CDK14: variants seen among roughly 807,000 people sequenced by gnomAD.
CDK14 encodes the protein cyclin-dependent kinase 14.
A neutral mutation model predicts 60.7 loss-of-function variants in CDK14; 34 were observed. The ratio of observed to expected loss-of-function variants is 0.56; its 90% CI spans 0.43 to 0.75. CDK14 has a LOEUF of 0.75. CDK14 is among the 30% of genes least tolerant of loss of function. The pLI is 0.00. For synonymous variants in CDK14, 197 were observed against 203.7 expected, an observed-to-expected ratio of 0.97 and a Z score of 0.28; for missense variants, 482 against 564.1, an observed-to-expected ratio of 0.85 and a Z score of 1.47.
intron 2 of CDK14, among the ~76,000 whole-genome samples, chr7:90,673,247 A>T (rs1237867262): frequency 1.3e-5 from 2 of 152,212 alleles, no homozygotes; most frequent in African/African-American, 4.8e-5. Context: ...GAGGAGCAGT[A>T]GTAGAGGAAA....
intron 7 of CDK14, among the ~76,000 whole-genome samples, chr7:90,906,264 T>C (rs1344285999): frequency 2.0e-5 from 3 of 152,138 alleles, no homozygotes; most frequent in Non-Finnish European, 4.4e-5. Context: ...TCTTAGATTG[T>C]TGGGAAAATA....
intron 2 of CDK14, among the ~76,000 whole-genome samples, chr7:90,622,507 G>A (rs1381241794): frequency 6.6e-6 from 1 of 152,144 alleles, no homozygotes; most frequent in African/African-American, 2.4e-5. Context: ...TGATCCCTGA[G>A]CACATGTTTT....
At chr7:90,926,381 G>A (rs1793416024) in intron 8 of CDK14, among the ~76,000 whole-genome samples, 1 of 152,122 alleles carries the variant, frequency 6.6e-6, no homozygotes, top group African/African-American at 2.4e-5. Context: ...AACCTTGTTG[G>A]AATAAAAGTT....
At chr7:90,997,213 T>A (rs777039115) in intron 10 of CDK14, among the ~76,000 whole-genome samples, 1 of 152,164 alleles carries the variant, frequency 6.6e-6, no homozygotes, top group African/African-American at 2.4e-5. Flanking sequence ...ATTCTCCTAA[T>A]AGAGTTTAGG....
intron 6 of CDK14, among the ~76,000 whole-genome samples, chr7:90,897,756 A>G (rs1186879573): frequency 6.6e-6 from 1 of 152,108 alleles, no homozygotes; most frequent in East Asian, 1.9e-4. Flanking sequence ...GAAAAACTCC[A>G]TTGAACCTAT....
At chr7:90,600,683 A>C (rs1244829873) in intron 1 of CDK14, among the ~76,000 whole-genome samples, 1 of 152,258 alleles carries the variant, frequency 6.6e-6, no homozygotes, top group Non-Finnish European at 1.5e-5. Context: ...ATGTTCAGAC[A>C]CAAAATTTAA....
At chr7:90,842,783 C>T (rs1790340025) in intron 5 of CDK14, among the ~76,000 whole-genome samples, 1 of 152,082 alleles carries the variant, frequency 6.6e-6, no homozygotes, top group South Asian at 2.1e-4. Context: ...GTTTTTGCAC[C>T]ATTGCAAAAG....
At chr7:91,164,776 C>T (rs982128552) in intron 14 of CDK14, among the ~76,000 whole-genome samples, 7 of 152,084 alleles carry the variant, frequency 4.6e-5, no homozygotes, top group Non-Finnish European at 8.8e-5. Flanking sequence ...TTCTGCCTGC[C>T]TGCTCTACAC....
chr7:90,856,740 T>C (rs1790830847), intron 5 of CDK14, among the ~76,000 whole-genome samples: 2 of 152,182 alleles, frequency 1.3e-5, no homozygotes, highest in African/African-American at 4.8e-5. Context: ...TGGAACTTAG[T>C]AGTTAAAAGT....
At chr7:90,952,089 C>G (rs572939415) in intron 8 of CDK14, among the ~76,000 whole-genome samples, 6 of 152,158 alleles carry the variant, frequency 3.9e-5, no homozygotes, top group African/African-American at 1.4e-4. Flanking sequence ...CCAAGTCATT[C>G]CTGGTTAACT....
chr7:90,707,400 G>A (rs566003966), intron 2 of CDK14, among the ~76,000 whole-genome samples: 1 of 152,036 alleles, frequency 6.6e-6, no homozygotes, highest in African/African-American at 2.4e-5. Flanking sequence ...TTAGTTCAGG[G>A]CCTTGTCTGA....
chr7:91,038,804 A>G (rs1797002714), intron 10 of CDK14, among the ~76,000 whole-genome samples: 1 of 152,036 alleles, frequency 6.6e-6, no homozygotes, highest in African/African-American at 2.4e-5. Flanking sequence ...GATGGTTTAA[A>G]AAATGGGAGT....
intron 14 of CDK14, among the ~76,000 whole-genome samples, chr7:91,157,106 TTCA>T (rs1250212026): frequency 6.6e-6 from 1 of 152,192 alleles, no homozygotes; most frequent in Non-Finnish European, 1.5e-5. Flanking sequence ...CAAAATAAAG[TTCA>T]TCAGAGAGGT....
At chr7:90,696,336 C>CTTT (rs1554435989) in intron 2 of CDK14, among the ~76,000 whole-genome samples, 1 of 125,694 alleles carries the variant, frequency 8.0e-6, no homozygotes, top group Non-Finnish European at 1.7e-5. Flanking sequence ...ACTTCTTCTT[C>CTTT]TTTTTTTTTT....
chr7:90,805,901 A>G (rs1458840985), intron 5 of CDK14, among the ~76,000 whole-genome samples: 2 of 152,192 alleles, frequency 1.3e-5, no homozygotes, highest in Admixed American at 1.3e-4. Context: ...AACTTTGTAA[A>G]AAGCTACAGG....
At chr7:91,142,640 G>A (rs1241334021) in intron 14 of CDK14, among the ~76,000 whole-genome samples, 1 of 152,148 alleles carries the variant, frequency 6.6e-6, no homozygotes, top group South Asian at 2.1e-4. Flanking sequence ...ATTTAATCAG[G>A]TTTATTATTA....
chr7:90,833,025 G>C (rs772750181), intron 5 of CDK14, among the ~76,000 whole-genome samples: 3 of 152,134 alleles, frequency 2.0e-5, no homozygotes, highest in Non-Finnish European at 4.4e-5. Flanking sequence ...CTTAGCTGTC[G>C]ACTCTGTTTG....
At chr7:90,642,704 T>C (rs1339769388) in intron 2 of CDK14, among the ~76,000 whole-genome samples, 2 of 152,188 alleles carry the variant, frequency 1.3e-5, no homozygotes, top group Non-Finnish European at 2.9e-5. Context: ...TGAGATTTCT[T>C]GCATAGGTAT....
intron 4 of CDK14, among the ~76,000 whole-genome samples, chr7:90,757,075 C>T (rs1804092809): frequency 6.6e-6 from 1 of 152,052 alleles, no homozygotes; most frequent in Non-Finnish European, 1.5e-5. Flanking sequence ...AGGGTAGGTT[C>T]CTTCTGAGGA....
Sources: gnomAD v4.1 joint callset for allele counts (sites outside exome capture counted in the v4.1 genomes callset) on GRCh38, gnomAD v4.1.1 for gene constraint, MANE v1.5 for transcripts, NCBI Gene and HGNC (gene_info 2026-07-23, HGNC 2026-07-21) for gene names.